The following MPI variants were observed in gnomAD, a reference collection of about 807,000 sequenced individuals.
The protein encoded by MPI is mannose-6-phosphate isomerase.
In MPI, 33 loss-of-function variants were observed where a neutral mutation model predicts 40.1. The ratio of observed to expected loss-of-function variants is 0.82; its 90% CI spans 0.62 to 1.10. The LOEUF (loss-of-function observed/expected upper bound fraction) is 1.10. Ranked by LOEUF, MPI falls within the 50% of genes least tolerant of loss-of-function variation. MPI has a pLI of 0.00. For missense variants in MPI, 514 were observed against 524.1 expected, an observed-to-expected ratio of 0.98 and a Z score of 0.19; for synonymous variants, 187 against 207.4, an observed-to-expected ratio of 0.90 and a Z score of 0.85.
rs1254897700 is a variant in MPI at position 74,895,036 on chromosome 15, G to A, written c.671-1116G>A. Among the ~76,000 whole-genome samples the A allele has an allele frequency of 3.4e-5, 5 of 148,608 alleles. No individual in the cohort carries two copies. In the South Asian group the frequency reaches 8.7e-4, roughly 26 times the overall value. On this transcript the variant is annotated intron_variant, in intron 5 of 7. Coordinates refer to ENST00000352410, the MANE Select transcript of MPI (RefSeq NM_002435.3). ...GGCTGGAGTGCAGTGGTGCAATCTC[G>A]ATCACTGCAACCTCCGCCTCCCGGG...
At position 74,901,323 on chromosome 15, in the gene MPI, A is replaced by C. The variant is rs1267582411; in HGVS notation, c.*3593A>C. The C allele has an allele frequency of 1.3e-5, 2 of 151,878 alleles. No individual in the cohort carries two copies. Among genetic ancestry groups the C allele is most frequent in the South Asian group, 2.1e-4 (1 of 4,820 alleles). 9.4% of individuals were successfully genotyped at this position (151,878 alleles called of 1,614,324 possible). ...GAGTTAAGCCAAAAAACAAAACAAA[A>C]CCTGTTGGAAAAATTCTAGAAAGAG... is the stretch of plus-strand genomic sequence containing the variant. On this transcript the variant is annotated 3_prime_UTR_variant, in exon 8 of 8. Transcript: ENST00000352410.
chr15:74,894,639 A>G (rs1567267663), intron 5 of MPI, among the ~76,000 whole-genome samples: 3 of 149,972 alleles, frequency 2.0e-5, no homozygotes, highest in Non-Finnish European at 4.4e-5. Flanking sequence ...AAAAAAAAAA[A>G]TGCTGGGCAT....
rs2064853753 is a variant in MPI, at chr15:74,898,274, A to G, written c.*544A>G. The G allele has an allele frequency of 1.0e-5, 2 of 195,740 alleles. No homozygotes were observed. Among genetic ancestry groups the G allele is most frequent in the African/African-American group, 4.6e-5 (2 of 43,680 alleles). The allele number at this position is 195,740 out of a possible 1,614,324, so 12.1% of individuals were successfully genotyped here. ...CAGCCTTTGGGGTACCTGTTCCTAA[A>G]GTGGGCCAAAAGAGCCCTCCCTACA... On this transcript the variant is annotated 3_prime_UTR_variant, in exon 8 of 8. Coordinates refer to ENST00000352410, the MANE Select transcript of MPI (RefSeq NM_002435.3).
rs1462580079 is a variant in MPI at position 74,900,690 on chromosome 15, CA to C, written c.*2963del. 2 of 152,242 alleles carry C rather than the reference CA, an allele frequency of 1.3e-5. No individual in the cohort carries two copies. The highest frequency in any genetic ancestry group is 4.1e-4 in the South Asian group (2 of 4,836). The allele number at this position is 152,242 out of a possible 1,614,324, so 9.4% of individuals were successfully genotyped here. A position where few individuals can be genotyped will look rare whatever the true frequency, so the allele number is the denominator to read the frequency against. Reference sequence around the variant, plus strand: ...TTCTTGAGCTCTACAAGCATTTGCACAAAGTGCTCAGAATGTTGGCCACTGC... The same window carrying C: ...TTCTTGAGCTCTACAAGCATTTGCACAAGTGCTCAGAATGTTGGCCACTGC... On this transcript the variant is annotated 3_prime_UTR_variant, in exon 8 of 8. Transcript: ENST00000352410.
intron 7 of MPI, 87 bp downstream of exon 7, chr15:74,897,306 T>A (rs1291852779): frequency 2.0e-6 from 3 of 1,525,298 alleles, no homozygotes; most frequent in Non-Finnish European, 2.7e-6. Flanking sequence ...TGGGGCTGGG[T>A]TTCCTGTCAA....
At chr15:74,896,601 G>C (rs2064822170) in intron 6 of MPI, 1 of 630,836 alleles carries the variant, frequency 1.6e-6, no homozygotes, top group Non-Finnish European at 2.8e-6. Context: ...TTGAACGCAG[G>C]CTATATTGGA....
Position 74,897,962 on chromosome 15 carries a change from T to A in MPI, c.*232T>A. ...GAGGGGTCTGATACTCCCTTTGTCT[T>A]CCCTCTCTACTCCTCGCTACACCTG... On this transcript the variant is annotated 3_prime_UTR_variant, in exon 8 of 8. Transcript: ENST00000352410. The A allele has an allele frequency of 1.7e-6, 1 of 596,578 alleles. No homozygotes were observed. Among genetic ancestry groups the A allele is most frequent in the South Asian group, 1.8e-5 (1 of 55,886 alleles). 37.0% of individuals were successfully genotyped at this position (596,578 alleles called of 1,614,324 possible). A position where few individuals can be genotyped will look rare whatever the true frequency, so the allele number is the denominator to read the frequency against.
At chr15:74,894,168 C>CCCGGG (rs2064781471) in intron 5 of MPI, among the ~76,000 whole-genome samples, 1 of 65,042 alleles carries the variant, frequency 1.5e-5, no homozygotes, top group Admixed American at 2.0e-4. Context: ...ACTGCAGCCT[C>CCCGGG]TGCCTCCCGG....
rs1416117492 is a variant in MPI, at chr15:74,896,467, AAGC to A, written c.844+144_844+146del. The A allele has an allele frequency of 9.0e-6, 8 of 886,504 alleles. No individual in the cohort carries two copies. In the Admixed American group the frequency reaches 1.4e-4, roughly 15 times the overall value. 54.9% of individuals were successfully genotyped at this position (886,504 alleles called of 1,614,324 possible). A position where few individuals can be genotyped will look rare whatever the true frequency, so the allele number is the denominator to read the frequency against. ...ACCTCTGAGGGTTCCTGGGCTCAGCAAGCAACAGCTGGTAGGGATGATGAATGC... is the reference window on the plus strand; with the variant it reads ...ACCTCTGAGGGTTCCTGGGCTCAGCAAACAGCTGGTAGGGATGATGAATGC... On this transcript the variant is annotated intron_variant, in intron 6 of 7. Coordinates refer to ENST00000352410, the MANE Select transcript of MPI (RefSeq NM_002435.3).
chr15:74,897,098 T>C lies in MPI; in HGVS notation c.932T>C (p.Met311Thr). The change falls in exon 7 of 8, where the codon ATG (methionine) becomes ACG (threonine). Residue 311 changes from methionine to threonine, a missense_variant. Transcript: ENST00000352410. ...ATTGATGTGCCAACCCTGTGTGAAA[T>C]GCTCAGCTATACCCCTAGCTCCAGC... The part of the protein sequence containing the change: ...KFIDVPTLCE[M>T]LSYTPSSSKD... The C allele has an allele frequency of 1.2e-6, 2 of 1,614,176 alleles. No individual in the cohort carries two copies. The highest frequency in any genetic ancestry group is 1.7e-6 in the Non-Finnish European group (2 of 1,180,022).
At chr15:74,897,251 T>C (rs1555479463) in intron 7 of MPI, 32 bp downstream of exon 7, 1 of 1,606,982 alleles carries the variant, frequency 6.2e-7, no homozygotes, top group East Asian at 2.2e-5. Flanking sequence ...GTGTCCTTCG[T>C]GTGCCATGAA....
At chr15:74,896,465 G>A (rs1009870193) in intron 6 of MPI, 140 bp downstream of exon 6, 9 of 885,312 alleles carry the variant, frequency 1.0e-5, no homozygotes, top group Non-Finnish European at 1.6e-5. Flanking sequence ...CCTGGGCTCA[G>A]CAAGCAACAG....
In MPI at chr15:74,896,248, T is replaced by C. The variant is rs1442151213; in HGVS notation, c.767T>C (p.Phe256Ser). Residue 256 changes from phenylalanine (F) to serine (S), a missense_variant, in exon 6 of 8, where the codon TTC becomes TCC. By Grantham distance (155) the Phe-to-Ser change is radical (BLOSUM62 -2). Transcript: ENST00000352410. ...GATATCGGCTGCTTTGCCATCTACTTCCTGAACCTGCTTACCCTGAAGCCT... is the reference window on the plus strand; with the variant it reads ...GATATCGGCTGCTTTGCCATCTACTCCCTGAACCTGCTTACCCTGAAGCCT... Reference protein sequence around the residue: ...PGDIGCFAIYFLNLLTLKPGE... With the variant: ...PGDIGCFAIYSLNLLTLKPGE... 2.5e-6 allele frequency: 4 copies of C among 1,614,036 alleles called. No individual in the cohort carries two copies. The highest frequency in any genetic ancestry group is 2.5e-6 in the Non-Finnish European group (3 of 1,180,030).
In MPI at chr15:74,901,818, G is replaced by A. The variant is rs947461936; in HGVS notation, c.*4088G>A. 5 of 311,642 alleles carry A rather than the reference G, an allele frequency of 1.6e-5. No individual in the cohort carries two copies. The Admixed American group carries it at 2.5e-4, about 16-fold the overall frequency. 19.3% of individuals were successfully genotyped at this position (311,642 alleles called of 1,614,324 possible). ...TTCTGGGGCCAGCCCCAGTACCTTCGACCTAATCTTTAGCTCAAAGACTGG... is the reference window on the plus strand; with the variant it reads ...TTCTGGGGCCAGCCCCAGTACCTTCAACCTAATCTTTAGCTCAAAGACTGG... On this transcript the variant is annotated 3_prime_UTR_variant, in exon 8 of 8. Transcript: ENST00000352410.
At chr15:74,895,058 CG>C (rs1198795052) in intron 5 of MPI, among the ~76,000 whole-genome samples, 1 of 150,142 alleles carries the variant, frequency 6.7e-6, no homozygotes, top group Non-Finnish European at 1.5e-5. Context: ...CTCCGCCTCC[CG>C]GGTTCAAGCG....
chr15:74,894,102 G>T (rs137966864), intron 5 of MPI, among the ~76,000 whole-genome samples: 1,981 of 56,710 alleles, frequency 0.035, 371 homozygotes, highest in East Asian at 0.11. Flanking sequence ...GTGTGTGTGT[G>T]TGTGTGGTCT....
chr15:74,890,795 A>C, intron 2 of MPI, 141 bp downstream of exon 2: 1 of 1,104,954 alleles, frequency 9.1e-7, no homozygotes, highest in Non-Finnish European at 1.3e-6. Context: ...AATGGACTAG[A>C]TAGTGTTATC....
In MPI at chr15:74,897,774, T is replaced by G. The variant is rs774547352; in HGVS notation, c.*44T>G. 3.8e-6 allele frequency: 6 copies of G among 1,592,086 alleles called. No individual in the cohort carries two copies. The East Asian group carries it at 1.3e-4, about 36-fold the overall frequency. ...CTCTCCTCTGCCAGCCACCCTAAAT[T>G]CCAGCCAACCTCACCTCCTCGGGCC... On this transcript the variant is annotated 3_prime_UTR_variant, in exon 8 of 8. Transcript: ENST00000352410.
chr15:74,898,213 G>T lies in MPI; in HGVS notation c.*483G>T. 3.8e-6 allele frequency: 1 copy of T among 264,764 alleles called. No homozygotes were observed. The highest frequency in any genetic ancestry group is 7.5e-6 in the Non-Finnish European group (1 of 132,796). The allele number at this position is 264,764 out of a possible 1,614,324, so 16.4% of individuals were successfully genotyped here. The stretch of plus-strand genomic sequence containing the variant: ...CCCTTGTTCTGTCAAAGCAATTAAA[G>T]ATCACTTGTGTTGAGGCTGTGGGGT... On this transcript the variant is annotated 3_prime_UTR_variant, in exon 8 of 8. Coordinates refer to ENST00000352410, the MANE Select transcript of MPI (RefSeq NM_002435.3).
Sources: gnomAD v4.1 joint callset for allele counts (sites outside exome capture counted in the v4.1 genomes callset) on GRCh38, gnomAD v4.1.1 for gene constraint, MANE v1.5 for transcripts, NCBI Gene and HGNC (gene_info 2026-07-23, HGNC 2026-07-21) for gene names.